The following ORC5 variants were observed in gnomAD, a reference collection of about 807,000 sequenced individuals.
ORC5 encodes protein phosphatase 1, regulatory subunit 117.
ORC5 carries 39 observed loss-of-function variants against 58.8 expected under a neutral mutation model. The ratio of observed to expected loss-of-function variants is 0.66; its 90% CI spans 0.51 to 0.87. ORC5 has a LOEUF of 0.87. Among genes scored for constraint, ORC5 ranks in the 40% least tolerant of loss-of-function variants. The pLI is 0.00. For synonymous variants in ORC5, 218 were observed against 177.6 expected (o/e 1.23, Z -1.81); for missense variants, 493 against 506.3 (o/e 0.97, Z 0.25).
intron 12 of ORC5, among the ~76,000 whole-genome samples, chr7:104,153,416 T>C (rs1326911820): frequency 6.6e-6 from 1 of 152,198 alleles, no homozygotes; most frequent in Non-Finnish European, 1.5e-5. Flanking sequence ...GCATCCCTGC[T>C]GACCTCTTCA....
At chr7:104,182,648 T>C (rs1259403943) in intron 8 of ORC5, among the ~76,000 whole-genome samples, 1 of 152,024 alleles carries the variant, frequency 6.6e-6, no homozygotes, top group Non-Finnish European at 1.5e-5. Flanking sequence ...GTGAGACCCA[T>C]ATATACCAAA....
intron 8 of ORC5, among the ~76,000 whole-genome samples, chr7:104,169,116 A>G (rs1584499324): frequency 6.6e-6 from 1 of 151,942 alleles, no homozygotes; most frequent in South Asian, 2.1e-4. Flanking sequence ...AATAAATACT[A>G]CCACCTACCA....
chr7:104,162,297 C>T (rs1219133692), intron 11 of ORC5, among the ~76,000 whole-genome samples: 1 of 152,184 alleles, frequency 6.6e-6, no homozygotes, highest in African/African-American at 2.4e-5. Context: ...CTCAGCCACC[C>T]AAGTAGCTGG....
chr7:104,184,216 A>T, intron 6 of ORC5, 45 bp from the exon 7 acceptor site: 1 of 1,192,218 alleles, frequency 8.4e-7, no homozygotes, highest in Non-Finnish European at 1.2e-6. Flanking sequence ...GCACTGATCG[A>T]TCACAATTAG....
At chr7:104,195,711 A>G (rs1007117760) in intron 4 of ORC5, among the ~76,000 whole-genome samples, 3 of 152,204 alleles carry the variant, frequency 2.0e-5, no homozygotes, top group African/African-American at 7.2e-5. Flanking sequence ...AGAATCTCTG[A>G]ATTTATTTCT....
Position 104,126,798 on chromosome 7 carries a change from A to G in ORC5, c.*50T>C. On this transcript the variant is annotated 3_prime_UTR_variant, in exon 14 of 14. Coordinates refer to ENST00000297431, the MANE Select transcript of ORC5 (RefSeq NM_002553.4). ...GCCAGCTAAGTAGCTGGATGAACAC[A>G]GCTTGGCTTAGTCATTGTCACAGTG... The G allele has an allele frequency of 7.1e-7, 1 of 1,406,352 alleles. No homozygotes were observed. Among genetic ancestry groups the G allele is most frequent in the Non-Finnish European group, 1.0e-6 (1 of 1,001,972 alleles). 87.1% of individuals were successfully genotyped at this position (1,406,352 alleles called of 1,614,324 possible).
intron 12 of ORC5, among the ~76,000 whole-genome samples, chr7:104,140,892 T>C (rs1248896611): frequency 2.0e-5 from 3 of 152,228 alleles, no homozygotes; most frequent in Non-Finnish European, 4.4e-5. Context: ...TGTATCCCTT[T>C]ACTGAAAAGG....
chr7:104,134,634 G>C (rs1798561162), intron 13 of ORC5, among the ~76,000 whole-genome samples: 1 of 151,964 alleles, frequency 6.6e-6, no homozygotes, highest in Non-Finnish European at 1.5e-5. Flanking sequence ...CAAGAAGGAT[G>C]GCACCGAAAT....
At chr7:104,176,600 G>A (rs1046326791) in intron 8 of ORC5, among the ~76,000 whole-genome samples, 11 of 152,130 alleles carry the variant, frequency 7.2e-5, no homozygotes, top group African/African-American at 2.2e-4. Flanking sequence ...TATAATGGAC[G>A]TGTCTAGCCT....
intron 5 of ORC5, among the ~76,000 whole-genome samples, chr7:104,192,901 T>C (rs572555219): frequency 5.5e-5 from 8 of 146,766 alleles, no homozygotes; most frequent in Admixed American, 6.8e-5. Flanking sequence ...CTGAAAGATA[T>C]AGAAACAAAA....
At chr7:104,132,811 T>C (rs1381755523) in intron 13 of ORC5, among the ~76,000 whole-genome samples, 4 of 152,134 alleles carry the variant, frequency 2.6e-5, no homozygotes, top group Non-Finnish European at 5.9e-5. Context: ...AAATGGGAAC[T>C]TCCAAATCGT....
At chr7:104,135,030 A>G (rs1798568011) in intron 13 of ORC5, among the ~76,000 whole-genome samples, 1 of 152,176 alleles carries the variant, frequency 6.6e-6, no homozygotes, top group Non-Finnish European at 1.5e-5. Flanking sequence ...ATGAAAGTGC[A>G]TGTCTCTGGA....
intron 1 of ORC5, among the ~76,000 whole-genome samples, chr7:104,205,086 C>CTTTTTTTTTTTTTTTTTT (rs10672012): frequency 3.0e-5 from 3 of 99,450 alleles, no homozygotes; most frequent in African/African-American, 1.1e-4. Context: ...TAATAATACT[C>CTTTTTTTTTTTTTTTTTT]TTTTTTTTTT....
At chr7:104,199,417 C>T (rs909454529) in intron 3 of ORC5, among the ~76,000 whole-genome samples, 2 of 151,576 alleles carry the variant, frequency 1.3e-5, no homozygotes, top group Non-Finnish European at 2.9e-5. Flanking sequence ...CCACAGAGGT[C>T]GAGCTGCATG....
intron 13 of ORC5, among the ~76,000 whole-genome samples, chr7:104,131,157 C>G (rs550241682): frequency 2.0e-5 from 3 of 152,302 alleles, no homozygotes; most frequent in East Asian, 3.9e-4. Context: ...CCCATGGCAG[C>G]TATTTCAAAT....
At chr7:104,200,650 G>A (rs1366882835) in intron 3 of ORC5, 108 bp downstream of exon 3, 6 of 685,890 alleles carry the variant, frequency 8.7e-6, no homozygotes, top group South Asian at 7.7e-5. Context: ...AAAGCACCTG[G>A]CACAGAGCAC....
intron 13 of ORC5, among the ~76,000 whole-genome samples, chr7:104,132,270 T>C (rs1468618315): frequency 1.3e-5 from 2 of 152,184 alleles, no homozygotes; most frequent in African/African-American, 2.4e-5. Flanking sequence ...TGCAACTTTA[T>C]ATGAACTGTT....
At chr7:104,164,443 T>C (rs1222015969) in intron 11 of ORC5, among the ~76,000 whole-genome samples, 1 of 152,110 alleles carries the variant, frequency 6.6e-6, no homozygotes, top group Non-Finnish European at 1.5e-5. Flanking sequence ...TAATAAAAAT[T>C]CTAAACGTTA....
chr7:104,144,044 AG>A (rs1798716163), intron 12 of ORC5, among the ~76,000 whole-genome samples: 1 of 152,018 alleles, frequency 6.6e-6, no homozygotes, highest in Non-Finnish European at 1.5e-5. Flanking sequence ...GCTTGAACCC[AG>A]GGGGTGGAGG....
Sources: allele counts gnomAD v4.1 joint callset (sites outside exome capture counted in the v4.1 genomes callset), GRCh38; gene constraint gnomAD v4.1.1; transcripts MANE v1.5; gene names NCBI Gene and HGNC (gene_info 2026-07-23, HGNC 2026-07-21).